The following EIF1AX variants were observed in gnomAD, a reference collection of about 807,000 sequenced individuals.
The protein encoded by EIF1AX is eukaryotic translation initiation factor 1A X-linked.
Under a neutral mutation model 16.1 loss-of-function variants are expected in EIF1AX, and 1 was observed. That is an observed-to-expected ratio of 0.06 (90% CI 0.02 to 0.30). The LOEUF (loss-of-function observed/expected upper bound fraction) is 0.30, where lower values mean the gene tolerates loss of function less well. Ranked by LOEUF, EIF1AX falls within the 10% of genes least tolerant of loss-of-function variation. EIF1AX has a pLI of 1.00. For missense variants in EIF1AX, 11 were observed against 109.1 expected (o/e 0.10, Z 4.00); for synonymous variants, 32 against 37.3 (o/e 0.86, Z 0.51).
intron 6 of EIF1AX, among the ~76,000 whole-genome samples, chrX:20,128,699 G>C (rs1257414124): frequency 1.8e-5 from 2 of 111,764 alleles, no homozygotes; most frequent in Non-Finnish European, 3.8e-5. Flanking sequence ...ATGTCTCAAA[G>C]AGTAGGGTTC....
In EIF1AX at chrX:20,125,112, G is replaced by T; in HGVS notation, c.*3194C>A. 6.7e-6 allele frequency: 1 copy of T among 149,253 alleles called. No homozygotes were observed. Among genetic ancestry groups the T allele is most frequent in the Admixed American group, 8.4e-5 (1 of 11,896 alleles). 12.3% of individuals were successfully genotyped at this position (149,253 alleles called of 1,213,427 possible). A position where few individuals can be genotyped will look rare whatever the true frequency, so the allele number is the denominator to read the frequency against. On this transcript the variant is annotated 3_prime_UTR_variant, in exon 7 of 7. Transcript: ENST00000379607. The stretch of plus-strand genomic sequence containing the variant: ...AAGAACCTGAAGCTGAGACAAGCAG[G>T]AGAATGTGCCAGTGGTCACCTGCAG...
At chrX:20,133,673 T>C (rs1182724804) in intron 4 of EIF1AX, among the ~76,000 whole-genome samples, 1 of 111,524 alleles carries the variant, frequency 9.0e-6, no homozygotes, top group Admixed American at 9.5e-5. Context: ...ACCACTTTCT[T>C]TCTTTCCCAA....
At chrX:20,137,014 T>C (rs2067018894) in intron 2 of EIF1AX, among the ~76,000 whole-genome samples, 1 of 111,884 alleles carries the variant, frequency 8.9e-6, no homozygotes, top group African/African-American at 3.3e-5. Flanking sequence ...TACTAGATAT[T>C]ATATCAATGT....
At chrX:20,139,873 T>C (rs1053811092) in intron 1 of EIF1AX, 4 of 112,326 alleles carry the variant, frequency 3.6e-5, no homozygotes, top group African/African-American at 1.3e-4. Context: ...TTCAGAGTAA[T>C]GGGTTCCCAG....
chrX:20,132,406 T>G, intron 4 of EIF1AX, 143 bp from the exon 5 acceptor site: 1 of 427,806 alleles, frequency 2.3e-6, no homozygotes, highest in Non-Finnish European at 3.9e-6. Context: ...AGCTTTCTCA[T>G]ACCCTCTGAA....
chrX:20,130,418 A>G, intron 6 of EIF1AX, 98 bp downstream of exon 6: 1 of 858,021 alleles, frequency 1.2e-6, no homozygotes, highest in South Asian at 4.9e-5. Context: ...AACCTTATTT[A>G]AGTGTCCCAT....
chrX:20,127,334 A>G lies in EIF1AX; in HGVS notation c.*972T>C. On this transcript the variant is annotated 3_prime_UTR_variant, in exon 7 of 7. Transcript: ENST00000379607. ...AGTTGTTATTCCTTCCTCTTCCCTT[A>G]GCTTAGGGATATGTTGAAAAAGGCT... is the stretch of plus-strand genomic sequence containing the variant. 1 of 136,585 alleles carries G rather than the reference A, an allele frequency of 7.3e-6. No homozygotes were observed. Among genetic ancestry groups the G allele is most frequent in the Non-Finnish European group, 1.5e-5 (1 of 66,910 alleles). 11.3% of individuals were successfully genotyped at this position (136,585 alleles called of 1,213,427 possible).
chrX:20,135,507 T>C (rs2067013967), intron 3 of EIF1AX, among the ~76,000 whole-genome samples: 1 of 111,741 alleles, frequency 8.9e-6, no homozygotes, highest in Non-Finnish European at 1.9e-5. Flanking sequence ...TCTCTCAATT[T>C]GGACTTTTTG....
At chrX:20,137,054 T>C (rs192681789) in intron 2 of EIF1AX, among the ~76,000 whole-genome samples, 3 of 111,983 alleles carry the variant, frequency 2.7e-5, no homozygotes, top group African/African-American at 6.5e-5. Flanking sequence ...AATTCTCTTC[T>C]AGTTATATAA....
intron 1 of EIF1AX, among the ~76,000 whole-genome samples, chrX:20,140,846 G>GTT (rs1242270286): frequency 4.1e-4 from 43 of 105,774 alleles, no homozygotes; most frequent in African/African-American, 1.4e-3. Context: ...TCTGTTTTTT[G>GTT]TTTTTGTTTT....
At chrX:20,131,988 C>A (rs114748131) in intron 5 of EIF1AX, among the ~76,000 whole-genome samples, 194 bp downstream of exon 5, 1,873 of 107,727 alleles carry the variant, frequency 0.017, 47 homozygotes, top group African/African-American at 0.06. Context: ...GAACTCCTCA[C>A]CATATTTATT....
intron 5 of EIF1AX, 25 bp from the exon 6 acceptor site, chrX:20,130,632 A>T (rs751003392): frequency 1.7e-6 from 2 of 1,171,237 alleles, no homozygotes; most frequent in East Asian, 3.1e-5. Context: ...AGAAATACTC[A>T]TAAGTCAGCA....
chrX:20,135,683 G>A (rs765842756), intron 3 of EIF1AX, 55 bp downstream of exon 3: 14 of 912,629 alleles, frequency 1.5e-5, no homozygotes, highest in Non-Finnish European at 2.2e-5. Flanking sequence ...AAAAACTGTA[G>A]AGGGATTTTC....
intron 1 of EIF1AX, among the ~76,000 whole-genome samples, chrX:20,140,638 T>G (rs1055084385): frequency 9.0e-6 from 1 of 111,480 alleles, no homozygotes; most frequent in Non-Finnish European, 1.9e-5. Flanking sequence ...AGAGCAGAAG[T>G]AGGCCTGTGT....
rs1046971851 is a variant in EIF1AX at position 20,124,538 on chromosome X, A to G, written c.*3768T>C. On this transcript the variant is annotated 3_prime_UTR_variant, in exon 7 of 7. Transcript: ENST00000379607. Reference sequence around the variant, plus strand: ...TTGTATACATTGTTGAAAGTTGTTCATATTTTATTTTCTAATTGCAGTAGT... The same window carrying G: ...TTGTATACATTGTTGAAAGTTGTTCGTATTTTATTTTCTAATTGCAGTAGT... 2 of 148,125 alleles carry G rather than the reference A, an allele frequency of 1.4e-5. No homozygotes were observed. The highest frequency in any genetic ancestry group is 1.7e-4 in the Admixed American group (2 of 11,743). The allele number at this position is 148,125 out of a possible 1,213,427, so 12.2% of individuals were successfully genotyped here.
Position 20,141,593 on chromosome X carries a change from G to A in EIF1AX, c.16+32C>T, listed in dbSNP as rs961887601. 2.6e-6 allele frequency: 3 copies of A among 1,150,403 alleles called. No individual in the cohort carries two copies. In the Middle Eastern group the frequency reaches 7.6e-4, roughly 292 times the overall value. The allele number at this position is 1,150,403 out of a possible 1,213,427, so 94.8% of individuals were successfully genotyped here. A position where few individuals can be genotyped will look rare whatever the true frequency, so the allele number is the denominator to read the frequency against. ...AGGACCTGGGAGACCCGGCCGAGCA[G>A]AGCCGTGGTCCGGGGGTCCGGGCGG... On this transcript the variant is annotated intron_variant, in intron 1 of 6. Transcript: ENST00000379607.
Position 20,126,755 on chromosome X carries a change from A to G in EIF1AX, c.*1551T>C, listed in dbSNP as rs1240422781. ...AGATGCATTCCACCTAGATGTGTTC[A>G]CGAACTCCATAGAATAAGAAATATA... On this transcript the variant is annotated 3_prime_UTR_variant, in exon 7 of 7. Transcript: ENST00000379607. 1 of 140,571 alleles carries G rather than the reference A, an allele frequency of 7.1e-6. No individual in the cohort carries two copies. The highest frequency in any genetic ancestry group is 1.4e-5 in the Non-Finnish European group (1 of 70,504). 11.6% of individuals were successfully genotyped at this position (140,571 alleles called of 1,213,427 possible). A position where few individuals can be genotyped will look rare whatever the true frequency, so the allele number is the denominator to read the frequency against.
intron 1 of EIF1AX, among the ~76,000 whole-genome samples, chrX:20,140,902 G>C (rs1419591952): frequency 5.5e-5 from 6 of 108,466 alleles, no homozygotes; most frequent in African/African-American, 2.0e-4. Context: ...CCCAAATAAA[G>C]TTATCCTCAA....
chrX:20,132,683 T>C (rs2067004761), intron 4 of EIF1AX, among the ~76,000 whole-genome samples: 1 of 112,203 alleles, frequency 8.9e-6, no homozygotes, highest in Non-Finnish European at 1.9e-5. Flanking sequence ...TATACCTTTC[T>C]GTATTATCTG....
Sources: allele counts gnomAD v4.1 joint callset (sites outside exome capture counted in the v4.1 genomes callset), GRCh38; gene constraint gnomAD v4.1.1; transcripts MANE v1.5; gene names NCBI Gene and HGNC (gene_info 2026-07-23, HGNC 2026-07-21).